The following MAMDC2 variants were observed in gnomAD, a reference collection of about 807,000 sequenced individuals.
The protein encoded by MAMDC2 is MAM domain containing 2, also known as MAM domain-containing protein 2.
A neutral mutation model predicts 89.8 loss-of-function variants in MAMDC2; 57 were observed. That is an observed-to-expected ratio of 0.63 (90% CI 0.51 to 0.79). MAMDC2 has a LOEUF of 0.79. MAMDC2 is among the 30% of genes least tolerant of loss of function. The pLI is 0.00. For synonymous variants in MAMDC2, 313 were observed against 293.4 expected (o/e 1.07, Z -0.68); for missense variants, 800 against 820.6 (o/e 0.97, Z 0.31).
At chr9:70,218,018 T>G (rs2033481570) in intron 11 of MAMDC2, among the ~76,000 whole-genome samples, 1 of 152,198 alleles carries the variant, frequency 6.6e-6, no homozygotes, top group Non-Finnish European at 1.5e-5. Context: ...TCTGGAAGCT[T>G]TAGGATATTG....
At chr9:70,200,836 T>A (rs1257157874) in intron 11 of MAMDC2, among the ~76,000 whole-genome samples, 2 of 150,094 alleles carry the variant, frequency 1.3e-5, no homozygotes, top group Non-Finnish European at 3.0e-5. Flanking sequence ...AGTTCACTCA[T>A]GATTTGGGTC....
At chr9:70,171,909 T>C (rs748780576) in intron 11 of MAMDC2, 6 of 152,194 alleles carry the variant, frequency 3.9e-5, no homozygotes, top group Non-Finnish European at 7.3e-5. Flanking sequence ...TTCAAAGCTG[T>C]TCTGGGCCAC....
intron 9 of MAMDC2, among the ~76,000 whole-genome samples, chr9:70,151,357 C>G (rs538893737): frequency 3.9e-5 from 6 of 152,352 alleles, no homozygotes; most frequent in Admixed American, 1.3e-4. Context: ...TTGTCCATCT[C>G]TTTTCCTGTG....
chr9:70,062,494 A>G (rs1325896682), intron 2 of MAMDC2: 2 of 152,248 alleles, frequency 1.3e-5, no homozygotes, highest in African/African-American at 4.8e-5. Context: ...CCAAACAAAA[A>G]GATCAGATCA....
At chr9:70,134,287 GC>G (rs369245606) in intron 7 of MAMDC2, among the ~76,000 whole-genome samples, 1 of 98,174 alleles carries the variant, frequency 1.0e-5, no homozygotes, top group Non-Finnish European at 2.1e-5. Flanking sequence ...CCAATGAACT[GC>G]CCCCCACACC....
chr9:70,053,653 T>C (rs2117995849), intron 2 of MAMDC2, among the ~76,000 whole-genome samples: 1 of 152,274 alleles, frequency 6.6e-6, no homozygotes, highest in Non-Finnish European at 1.5e-5. Flanking sequence ...ACAGGAAGTA[T>C]AGAGAGCAAT....
In MAMDC2 at chr9:70,202,741, G is replaced by A. The variant is rs989711666; in HGVS notation, c.1652-15596G>A. 1.7e-4 allele frequency among the ~76,000 whole-genome samples: 25 copies of A among 151,114 alleles called. 2 individuals carry two copies. The highest frequency in any genetic ancestry group is 2.1e-4 in the South Asian group (1 of 4,748). On this transcript the variant is annotated intron_variant, in intron 11 of 13. Transcript: ENST00000377182. ...TTGCTTTATGAATCTGGGTTTTCCC[G>A]TATTAGGTGCATATATATTTAGGAT...
intron 2 of MAMDC2, among the ~76,000 whole-genome samples, chr9:70,059,732 A>T (rs918636928): frequency 6.6e-6 from 1 of 152,166 alleles, no homozygotes; most frequent in Non-Finnish European, 1.5e-5. Flanking sequence ...TTCCAGAGAC[A>T]GTGTAATGGC....
At chr9:70,075,801 G>A (rs536845773) in intron 2 of MAMDC2, among the ~76,000 whole-genome samples, 13 of 152,324 alleles carry the variant, frequency 8.5e-5, no homozygotes, top group Non-Finnish European at 1.8e-4. Flanking sequence ...AGCACCCCAA[G>A]TGTCTAGCAA....
rs566491357 is a variant in MAMDC2 at position 70,062,834 on chromosome 9, T to G, written c.148+18137T>G. On this transcript the variant is annotated intron_variant, in intron 2 of 13. Coordinates refer to ENST00000377182, the MANE Select transcript of MAMDC2 (RefSeq NM_153267.5). ...ATAAACAGGCACAATCTACAAAAAC[T>G]TAGCAGTTTTCAGCAAAAACGGATT... 2.6e-5 allele frequency: 4 copies of G among 152,324 alleles called. No individual in the cohort carries two copies. The East Asian group carries it at 7.7e-4, about 29-fold the overall frequency. 9.4% of individuals were successfully genotyped at this position (152,324 alleles called of 1,614,324 possible).
At chr9:70,118,022 G>A (rs974244647) in intron 5 of MAMDC2, among the ~76,000 whole-genome samples, 1 of 152,166 alleles carries the variant, frequency 6.6e-6, no homozygotes, top group Non-Finnish European at 1.5e-5. Flanking sequence ...AGTAGAACTG[G>A]AATTTGGCCA....
rs7039023 is a variant in MAMDC2 at position 70,142,313 on chromosome 9, G to A, written c.1139-1241G>A. On this transcript the variant is annotated intron_variant, in intron 8 of 13. Coordinates refer to ENST00000377182, the MANE Select transcript of MAMDC2 (RefSeq NM_153267.5). ...GGAAGGTCTGTATGGCTGCACCGTGGGGAGGAATGGTGACGAGGAGAATGG... is the reference window on the plus strand; with the variant it reads ...GGAAGGTCTGTATGGCTGCACCGTGAGGAGGAATGGTGACGAGGAGAATGG... 2.6e-3 allele frequency among the ~76,000 whole-genome samples: 403 copies of A among 152,268 alleles called. 1 individual carries two copies. Among genetic ancestry groups the A allele is most frequent in the African/African-American group, 9.4e-3 (389 of 41,556 alleles).
intron 11 of MAMDC2, among the ~76,000 whole-genome samples, chr9:70,209,551 TC>T (rs1376222056): frequency 6.7e-6 from 1 of 150,274 alleles, no homozygotes. Context: ...GGTCTATCTA[TC>T]TATCTATTTT....
chr9:70,159,803 G>T, intron 9 of MAMDC2, among the ~76,000 whole-genome samples: 1 of 152,230 alleles, frequency 6.6e-6, no homozygotes, highest in East Asian at 1.9e-4. Flanking sequence ...TCAGGGCAGT[G>T]TTTGACCAGG....
chr9:70,052,008 T>A (rs1563932283), intron 2 of MAMDC2, among the ~76,000 whole-genome samples: 1 of 152,166 alleles, frequency 6.6e-6, no homozygotes, highest in Non-Finnish European at 1.5e-5. Context: ...AAAAAAAATT[T>A]TTTTAAAGCT....
At chr9:70,083,269 A>G (rs1827694497) in intron 2 of MAMDC2, 1 of 152,174 alleles carries the variant, frequency 6.6e-6, no homozygotes, top group African/African-American at 2.4e-5. Context: ...TAGCAGTACT[A>G]TAATAAATCA....
chr9:70,217,340 T>C, intron 11 of MAMDC2: 1 of 1,393,764 alleles, frequency 7.2e-7, no homozygotes, highest in Non-Finnish European at 1.0e-6. Context: ...CCTTGGCAGA[T>C]AAACTGGACT....
In MAMDC2 at chr9:70,109,782, G is replaced by C; in HGVS notation, c.483G>C (p.Lys161Asn). 6.2e-7 allele frequency: 1 copy of C among 1,613,894 alleles called. No homozygotes were observed. The highest frequency in any genetic ancestry group is 8.5e-7 in the Non-Finnish European group (1 of 1,179,774). Residue 161 changes from lysine (K) to asparagine (N), a missense_variant, in exon 4 of 14, where the codon AAG (lysine) becomes AAC (asparagine). By Grantham distance (94) the Lys-to-Asn change is moderately conservative (BLOSUM62 0). Transcript: ENST00000377182. ...NTASIALFEI[K>N]MTTGYCIECD... ...CCAGCATCGCACTATTTGAAATCAA[G>C]ATGACAACCGGCTACTGTATTGGTA...
rs1196998462 is a variant in MAMDC2, at chr9:70,156,409, G to T, written c.1405-12293G>T. On this transcript the variant is annotated intron_variant, in intron 9 of 13. Transcript: ENST00000377182. ...TGGCTATTTAACAGCCAGACACCCTGCTATAAAGAGATTAAGGAAGCAGAA... is the reference window on the plus strand; with the variant it reads ...TGGCTATTTAACAGCCAGACACCCTTCTATAAAGAGATTAAGGAAGCAGAA... Among the ~76,000 whole-genome samples the T allele has an allele frequency of 1.3e-5, 2 of 152,032 alleles. 1 individual carries two copies. The highest frequency in any genetic ancestry group is 1.3e-4 in the Admixed American group (2 of 15,262).
Sources: gnomAD v4.1 joint callset for allele counts (sites outside exome capture counted in the v4.1 genomes callset) on GRCh38, gnomAD v4.1.1 for gene constraint, MANE v1.5 for transcripts, NCBI Gene and HGNC (gene_info 2026-07-23, HGNC 2026-07-21) for gene names.